The following LRRC4C variants were observed in gnomAD, a reference collection of about 807,000 sequenced individuals.
The protein encoded by LRRC4C is leucine rich repeat containing 4C, also known as leucine-rich repeat-containing protein 4C.
LRRC4C carries 5 observed loss-of-function variants against 33.6 expected under a neutral mutation model. That is an observed-to-expected ratio of 0.15 (90% CI 0.08 to 0.31). The LOEUF (loss-of-function observed/expected upper bound fraction) is 0.31, where lower values mean the gene tolerates loss of function less well. LRRC4C is among the 10% of genes least tolerant of loss of function. The probability of loss-of-function intolerance (pLI) is 1.00; values close to 1 mark genes in which losing one functional copy is unlikely to be tolerated. For synonymous variants in LRRC4C, 329 were observed against 302.0 expected (o/e 1.09, Z -0.93); for missense variants, 560 against 796.7 (o/e 0.70, Z 3.58).
At chr11:40,847,917 T>C (rs960481705) in intron 2 of LRRC4C, among the ~76,000 whole-genome samples, 3 of 152,062 alleles carry the variant, frequency 2.0e-5, no homozygotes, top group Non-Finnish European at 4.4e-5. Flanking sequence ...AATTTATCCC[T>C]TTCTATTTTC....
intron 3 of LRRC4C, among the ~76,000 whole-genome samples, chr11:40,469,451 C>A (rs1348780957): frequency 6.6e-6 from 1 of 152,160 alleles, no homozygotes; most frequent in Non-Finnish European, 1.5e-5. Flanking sequence ...CCAAACTGGG[C>A]AGCCATTTGA....
At chr11:40,697,591 T>G (rs1286899876) in intron 2 of LRRC4C, among the ~76,000 whole-genome samples, 1 of 152,188 alleles carries the variant, frequency 6.6e-6, no homozygotes, top group African/African-American at 2.4e-5. Context: ...CTAAATCTAT[T>G]TTACAACCTA....
intron 1 of LRRC4C, among the ~76,000 whole-genome samples, chr11:41,215,529 T>C (rs1014555331): frequency 6.6e-6 from 1 of 151,364 alleles, no homozygotes; most frequent in African/African-American, 2.4e-5. Context: ...ACATTGACGA[T>C]GTTTCCACAA....
chr11:41,044,097 T>C (rs550697190), intron 1 of LRRC4C, among the ~76,000 whole-genome samples: 2 of 152,240 alleles, frequency 1.3e-5, no homozygotes, highest in South Asian at 4.1e-4. Context: ...TTGGGTGATA[T>C]ATTAGAAGCC....
At chr11:40,776,553 A>G (rs984863070) in intron 2 of LRRC4C, among the ~76,000 whole-genome samples, 4 of 151,946 alleles carry the variant, frequency 2.6e-5, no homozygotes, top group African/African-American at 9.7e-5. Flanking sequence ...TATCTTTTGT[A>G]TTTATGTGGG....
chr11:40,127,937 C>T lies in LRRC4C; in HGVS notation c.-42-11603G>A, dbSNP rs145603574. ...TGGCTCATGTCCATGCTGCAGATTG[C>T]ACACAAAGGACTACTAAACACACAT... On this transcript the variant is annotated intron_variant, in intron 6 of 6. Transcript: ENST00000528697. Among the ~76,000 whole-genome samples, 449 of 152,224 alleles carry T rather than the reference C, an allele frequency of 2.9e-3. 4 individuals carry two copies. Among genetic ancestry groups the T allele is most frequent in the African/African-American group, 9.5e-3 (395 of 41,536 alleles).
chr11:41,160,026 C>T (rs1408528882), intron 1 of LRRC4C, among the ~76,000 whole-genome samples: 1 of 151,982 alleles, frequency 6.6e-6, no homozygotes, highest in African/African-American at 2.4e-5. Flanking sequence ...GGCACACACA[C>T]ATACACACAC....
intron 2 of LRRC4C, among the ~76,000 whole-genome samples, chr11:40,801,138 G>A (rs1335258086): frequency 1.3e-5 from 2 of 152,212 alleles, no homozygotes; most frequent in Admixed American, 6.5e-5. Flanking sequence ...AAAAACAAAT[G>A]TAGATATACC....
At chr11:40,704,566 G>A (rs771021480) in intron 2 of LRRC4C, among the ~76,000 whole-genome samples, 5 of 152,098 alleles carry the variant, frequency 3.3e-5, no homozygotes, top group Non-Finnish European at 5.9e-5. Context: ...TAGTGGTGAA[G>A]AGCAAGAAAC....
chr11:40,670,021 T>G (rs78458257), intron 2 of LRRC4C, among the ~76,000 whole-genome samples: 1,834 of 152,340 alleles, frequency 0.012, 43 homozygotes, highest in African/African-American at 0.042. Flanking sequence ...CTTTATTTTT[T>G]GCCAAGAGCA....
intron 1 of LRRC4C, among the ~76,000 whole-genome samples, chr11:41,085,928 C>CAAAAAAAAAAAAAAAAA (rs10717008): frequency 1.5e-4 from 12 of 80,188 alleles, no homozygotes; most frequent in Non-Finnish European, 2.1e-4. Context: ...TTTAAGACAC[C>CAAAAAAAAAAAAAAAAA]AAAAAAAAAA....
At chr11:40,145,254 T>C (rs1378733253) in intron 5 of LRRC4C, among the ~76,000 whole-genome samples, 2 of 152,168 alleles carry the variant, frequency 1.3e-5, no homozygotes, top group Non-Finnish European at 2.9e-5. Context: ...ACAGAGAATC[T>C]CATCAAATTG....
At chr11:40,485,640 C>A (rs1953820215) in intron 3 of LRRC4C, among the ~76,000 whole-genome samples, 1 of 152,016 alleles carries the variant, frequency 6.6e-6, no homozygotes, top group African/African-American at 2.4e-5. Flanking sequence ...TTCAATCCAG[C>A]AATCCCATTA....
chr11:40,799,176 C>T (rs1433507324), intron 2 of LRRC4C, among the ~76,000 whole-genome samples: 1 of 151,966 alleles, frequency 6.6e-6, no homozygotes, highest in Non-Finnish European at 1.5e-5. Flanking sequence ...CTTCATCAGC[C>T]CCCTACAAAT....
intron 3 of LRRC4C, among the ~76,000 whole-genome samples, chr11:40,495,535 A>G (rs1024344614): frequency 2.6e-5 from 4 of 152,296 alleles, no homozygotes; most frequent in Non-Finnish European, 5.9e-5. Flanking sequence ...ATTACACGTT[A>G]AATTATTTCC....
At chr11:40,369,908 T>C (rs1275662948) in intron 3 of LRRC4C, among the ~76,000 whole-genome samples, 2 of 152,228 alleles carry the variant, frequency 1.3e-5, no homozygotes, top group East Asian at 1.9e-4. Flanking sequence ...AAAGGAGATA[T>C]AGATAGCAAA....
intron 1 of LRRC4C, among the ~76,000 whole-genome samples, chr11:41,255,247 T>C (rs1376470182): frequency 2.0e-5 from 3 of 152,166 alleles, no homozygotes; most frequent in South Asian, 4.1e-4. Context: ...CCTCAAGTTG[T>C]TTGTCTTTAA....
intron 1 of LRRC4C, among the ~76,000 whole-genome samples, chr11:41,277,922 T>G (rs1459046982): frequency 6.6e-6 from 1 of 151,804 alleles, no homozygotes; most frequent in Non-Finnish European, 1.5e-5. Flanking sequence ...TTAAATGACT[T>G]AAGTCAGGCG....
intron 2 of LRRC4C, among the ~76,000 whole-genome samples, chr11:40,723,121 C>T (rs2136697468): frequency 6.6e-6 from 1 of 152,124 alleles, no homozygotes; most frequent in Middle Eastern, 3.4e-3. Context: ...GTGACCAAAC[C>T]TATGACTCAT....
Sources: gnomAD v4.1 joint callset for allele counts (sites outside exome capture counted in the v4.1 genomes callset) on GRCh38, gnomAD v4.1.1 for gene constraint, MANE v1.5 for transcripts, NCBI Gene and HGNC (gene_info 2026-07-23, HGNC 2026-07-21) for gene names.